The following ANKRD30A variants were observed in gnomAD, a reference collection of about 807,000 sequenced individuals.
ANKRD30A encodes ankyrin repeat domain 30A.
Under a neutral mutation model 166.3 loss-of-function variants are expected in ANKRD30A, and 170 were observed. The ratio of observed to expected loss-of-function variants is 1.02; its 90% CI spans 0.90 to 1.16. The LOEUF is 1.16. Ranked by LOEUF, ANKRD30A falls within the 50% of genes most tolerant of loss-of-function variation. The probability of loss-of-function intolerance (pLI) is 0.00; values close to 1 mark genes in which losing one functional copy is unlikely to be tolerated. For missense variants in ANKRD30A, 1,630 were observed against 1,518.0 expected (o/e 1.07, Z -1.23); for synonymous variants, 564 against 508.9 (o/e 1.11, Z -1.46).
Position 37,219,520 on chromosome 10 carries a change from G to T in ANKRD30A, c.3808G>T (p.Ala1270Ser). The T allele has an allele frequency of 6.2e-7, 1 of 1,610,356 alleles. No individual in the cohort carries two copies. Among genetic ancestry groups the T allele is most frequent in the Non-Finnish European group, 8.5e-7 (1 of 1,177,720 alleles). ...SKSLKINLNY[A>S]GDALRENTLV... ...AAGCCTAAAAATTAATCTCAATTAT[G>T]CAGGAGATGCTCTAAGAGAAAATAC... is the stretch of plus-strand genomic sequence containing the variant. The change falls in exon 34 of 36, where the codon GCA becomes TCA. Residue 1270 changes from alanine (A) to serine (S), a missense_variant. Ala to Ser is a moderately conservative substitution (Grantham distance 99). This residue lies in a region of ANKRD30A where 712 missense variants were observed against 629.3 expected (regional missense o/e 1.13). Coordinates refer to ENST00000361713, the MANE Select transcript of ANKRD30A (RefSeq NM_052997.3).
At chr10:37,140,243 G>A (rs769349716) in intron 6 of ANKRD30A, among the ~76,000 whole-genome samples, 5 of 152,158 alleles carry the variant, frequency 3.3e-5, no homozygotes, top group Non-Finnish European at 5.9e-5. Context: ...CTGTCTGTTA[G>A]TGGGCTCCTA....
At chr10:37,198,237 A>G (rs1002482205) in intron 29 of ANKRD30A, among the ~76,000 whole-genome samples, 2 of 152,102 alleles carry the variant, frequency 1.3e-5, no homozygotes, top group African/African-American at 4.8e-5. Context: ...TAATATGTAC[A>G]ATTTTTTTCA....
At chr10:37,190,723 G>A (rs1423921337) in intron 25 of ANKRD30A, among the ~76,000 whole-genome samples, 1 of 151,712 alleles carries the variant, frequency 6.6e-6, no homozygotes, top group Non-Finnish European at 1.5e-5. Context: ...TAGAGTGTGG[G>A]TGCTCTGGAG....
At chr10:37,144,906 A>G in intron 7 of ANKRD30A, 89 bp from the exon 8 acceptor site, 1 of 999,854 alleles carries the variant, frequency 1.0e-6, no homozygotes, top group Non-Finnish European at 1.5e-6. Context: ...AAGTCCACAG[A>G]TTCATGAATG....
the ANKRD30A span, among the ~76,000 whole-genome samples, chr10:37,263,478 G>A: frequency 1.3e-5 from 2 of 151,428 alleles, no homozygotes; most frequent in African/African-American, 4.9e-5. Context: ...TCCTGAGCTT[G>A]TTTTCCTGCA....
chr10:37,147,691 C>A (rs1401549220), intron 9 of ANKRD30A, among the ~76,000 whole-genome samples: 2 of 126,504 alleles, frequency 1.6e-5, no homozygotes, highest in Non-Finnish European at 1.7e-5. Context: ...TAGGACATGA[C>A]GAAAGTCAGG....
chr10:37,147,959 A>G (rs548819994), intron 9 of ANKRD30A, among the ~76,000 whole-genome samples: 2 of 152,336 alleles, frequency 1.3e-5, no homozygotes, highest in East Asian at 3.9e-4. Flanking sequence ...GGCATTAGGA[A>G]TGGAATTATC....
In ANKRD30A at chr10:37,141,716, A is replaced by C; in HGVS notation, c.821-2A>C. 1 of 1,611,816 alleles carries C rather than the reference A, an allele frequency of 6.2e-7. No homozygotes were observed. The highest frequency in any genetic ancestry group is 8.5e-7 in the Non-Finnish European group (1 of 1,179,810). ...AATTTAACCAGATTGTGTGTTTGGC[A>C]GAAGGAACATCTGCAGGAACACCTG... On this transcript the variant is annotated splice_acceptor_variant, in intron 6 of 35. Transcript: ENST00000361713. LOFTEE classifies it high-confidence loss of function.
At chr10:37,223,785 C>T (rs193021219) in intron 34 of ANKRD30A, among the ~76,000 whole-genome samples, 20 of 151,026 alleles carry the variant, frequency 1.3e-4, no homozygotes, top group Non-Finnish European at 2.7e-4. Flanking sequence ...AGAAGAGTAT[C>T]TCTAGATTTT....
chr10:37,199,184 C>A (rs1362240131), intron 29 of ANKRD30A, among the ~76,000 whole-genome samples: 3 of 152,024 alleles, frequency 2.0e-5, no homozygotes, highest in African/African-American at 7.2e-5. Context: ...CATATACATA[C>A]CCAAACCACA....
At chr10:37,164,622 A>G (rs1839161766) in intron 17 of ANKRD30A, among the ~76,000 whole-genome samples, 2 of 152,186 alleles carry the variant, frequency 1.3e-5, no homozygotes, top group African/African-American at 4.8e-5. Context: ...GTTGACTGAC[A>G]TCAAAAAGTT....
intron 15 of ANKRD30A, among the ~76,000 whole-genome samples, chr10:37,159,599 C>T (rs977848464): frequency 3.9e-5 from 6 of 152,130 alleles, no homozygotes; most frequent in African/African-American, 9.7e-5. Context: ...GTCTTATACG[C>T]TGTGTGTAGA....
At chr10:37,162,939 A>T (rs1588841202) in intron 17 of ANKRD30A, 91 bp downstream of exon 17, 1 of 1,473,066 alleles carries the variant, frequency 6.8e-7, no homozygotes, top group East Asian at 2.3e-5. Context: ...ATTTTTTTCA[A>T]CTTTGATGAA....
At chr10:37,165,477 G>A (rs1171160290) in intron 18 of ANKRD30A, among the ~76,000 whole-genome samples, 6 of 152,122 alleles carry the variant, frequency 3.9e-5, no homozygotes, top group Non-Finnish European at 7.4e-5. Context: ...CGAGCTATGG[G>A]CAAATATATG....
rs1160841253 is a variant in ANKRD30A at position 37,201,332 on chromosome 10, A to T, written c.2869+7A>T. 3 of 1,557,910 alleles carry T rather than the reference A, an allele frequency of 1.9e-6. No homozygotes were observed. On this transcript the variant is annotated splice_region_variant and intron_variant, in intron 31 of 35. Transcript: ENST00000361713. ...ATAAGTGGAAAATTAGAAGGTAAGA[A>T]CCATCTTTTATTTAAAAGGTCATTT...
intron 25 of ANKRD30A, among the ~76,000 whole-genome samples, chr10:37,191,354 A>G (rs1383478441): frequency 1.3e-5 from 2 of 151,984 alleles, no homozygotes; most frequent in Non-Finnish European, 2.9e-5. Flanking sequence ...TTCTGATGAG[A>G]TGTCAATTCT....
intron 15 of ANKRD30A, among the ~76,000 whole-genome samples, chr10:37,161,435 A>G (rs1025343208): frequency 1.3e-5 from 2 of 152,118 alleles, no homozygotes; most frequent in African/African-American, 4.8e-5. Context: ...ACAGAGTTAG[A>G]GGTTTTTTTT....
At chr10:37,235,013 C>T (rs746732067), downstream of ANKRD30A, among the ~76,000 whole-genome samples, 4 of 152,104 alleles carry the variant, frequency 2.6e-5, no homozygotes, top group Admixed American at 6.5e-5. Flanking sequence ...ACCAAGGAAG[C>T]GCCTGTCTAC....
At chr10:37,263,799 G>A in the ANKRD30A span, among the ~76,000 whole-genome samples, 10 of 152,222 alleles carry the variant, frequency 6.6e-5, no homozygotes, top group East Asian at 1.9e-3. Flanking sequence ...GTGGGTTGGG[G>A]CCCACTGCCC....
Sources: allele counts gnomAD v4.1 joint callset (sites outside exome capture counted in the v4.1 genomes callset), GRCh38; gene constraint gnomAD v4.1.1; regional missense constraint gnomAD v4.1.1; transcripts MANE v1.5; gene names NCBI Gene and HGNC (gene_info 2026-07-23, HGNC 2026-07-21).